The following GRIA2 variants were observed in gnomAD, a reference collection of about 807,000 sequenced individuals.
The protein encoded by GRIA2 is glutamate ionotropic receptor AMPA type subunit 2.
A neutral mutation model predicts 97.3 loss-of-function variants in GRIA2; 14 were observed. The ratio of observed to expected loss-of-function variants is 0.14; its 90% confidence interval spans 0.10 to 0.23. The LOEUF is 0.23. GRIA2 is among the 10% of genes least tolerant of loss of function. The pLI is 1.00. For synonymous variants in GRIA2, 412 were observed against 387.8 expected (o/e 1.06, Z -0.73); for missense variants, 558 against 1,069.8 (o/e 0.52, Z 6.67).
At chr4:157,292,182 G>T (rs1733135668) in intron 2 of GRIA2, among the ~76,000 whole-genome samples, 1 of 151,940 alleles carries the variant, frequency 6.6e-6, no homozygotes, top group Non-Finnish European at 1.5e-5. Context: ...GACACTGACA[G>T]CAATAGTTAT....
intron 2 of GRIA2, among the ~76,000 whole-genome samples, chr4:157,272,976 A>G (rs2126793079): frequency 6.6e-6 from 1 of 152,178 alleles, no homozygotes; most frequent in African/African-American, 2.4e-5. Context: ...TAGTAAACCC[A>G]TCATATCCAA....
chr4:157,332,515 A>C (rs1735097089), intron 6 of GRIA2, among the ~76,000 whole-genome samples: 1 of 134,918 alleles, frequency 7.4e-6, no homozygotes, highest in Admixed American at 8.2e-5. Context: ...GGCTGTAACA[A>C]GAAGCAGGTT....
Position 157,244,059 on chromosome 4 carries a change from A to G in GRIA2, c.229+22252A>G, listed in dbSNP as rs574470212. On this transcript the variant is annotated intron_variant, in intron 2 of 15. Transcript: ENST00000264426. Reference sequence around the variant, plus strand: ...GCTGAGTGAGGAAGGTCTGTTATTTAAGGAGGTAAGACCTGAGCTGAGACC... The same window carrying G: ...GCTGAGTGAGGAAGGTCTGTTATTTGAGGAGGTAAGACCTGAGCTGAGACC... Among the ~76,000 whole-genome samples the G allele has an allele frequency of 2.6e-5, 4 of 152,180 alleles. No individual in the cohort carries two copies. In the South Asian group the frequency reaches 8.3e-4, roughly 32 times the overall value.
chr4:157,310,998 C>CT (rs1243439467), intron 3 of GRIA2, among the ~76,000 whole-genome samples: 1 of 151,962 alleles, frequency 6.6e-6, no homozygotes, highest in Non-Finnish European at 1.5e-5. Context: ...TGTTATCTCT[C>CT]TTTTTGGGTA....
Position 157,320,489 on chromosome 4 carries a change from T to C in GRIA2, c.721-949T>C, listed in dbSNP as rs1734512600. ...CTACGGTAAAACAGAATATATGATT[T>C]TTGTTATATACCTTTTTGCACTATT... On this transcript the variant is annotated intron_variant, in intron 5 of 15. Transcript: ENST00000264426. Among the ~76,000 whole-genome samples the C allele has an allele frequency of 5.9e-5, 9 of 152,218 alleles. No homozygotes were observed. The South Asian group carries it at 1.9e-3, about 32-fold the overall frequency.
intron 2 of GRIA2, among the ~76,000 whole-genome samples, chr4:157,299,209 A>C (rs938466123): frequency 2.6e-5 from 4 of 152,092 alleles, no homozygotes; most frequent in African/African-American, 9.7e-5. Context: ...AGAGATGATT[A>C]TTTTTAGTTA....
intron 6 of GRIA2, 65 bp downstream of exon 6, chr4:157,321,664 A>G (rs1413026411): frequency 8.9e-6 from 10 of 1,119,958 alleles, no homozygotes; most frequent in African/African-American, 1.6e-5. Flanking sequence ...GTCTTGGCAA[A>G]TAAGGAGGAA....
chr4:157,311,958 T>C (rs931791976), intron 3 of GRIA2, among the ~76,000 whole-genome samples: 6 of 152,024 alleles, frequency 3.9e-5, no homozygotes, highest in Admixed American at 1.3e-4. Context: ...TTCCAAGTGA[T>C]ATGATGCTAT....
intron 12 of GRIA2, among the ~76,000 whole-genome samples, chr4:157,359,291 G>A (rs1387136503): frequency 6.6e-6 from 1 of 152,036 alleles, no homozygotes; most frequent in African/African-American, 2.4e-5. Flanking sequence ...GGATTTTGGT[G>A]TTTAAATATT....
Position 157,355,983 on chromosome 4 carries a change from A to ATG in GRIA2, c.2044-3912_2044-3911insGT, listed in dbSNP as rs1257509182. On this transcript the variant is annotated intron_variant, in intron 12 of 15. Transcript: ENST00000264426. ...TTTATGTATATTAATATATATATTT[A>ATG]TATATTTATATATATTTATATATGT... Among the ~76,000 whole-genome samples, 18 of 93,880 alleles carry ATG rather than the reference A, an allele frequency of 1.9e-4. No individual in the cohort carries two copies. The East Asian group carries it at 2.7e-3, about 14-fold the overall frequency. The allele number at this position is 93,880 out of a possible 152,430, so 61.6% of individuals were successfully genotyped here. A position where few individuals can be genotyped will look rare whatever the true frequency, so the allele number is the denominator to read the frequency against.
rs1458588399 is a variant in GRIA2 at position 157,364,440 on chromosome 4, A to C, written c.*1009A>C. ...CAAATGTAATCTTGCCCCCAAAGTA[A>C]TATCTGAATATCTTTTTGACATGTC... On this transcript the variant is annotated 3_prime_UTR_variant, in exon 16 of 16. Coordinates refer to ENST00000264426, the MANE Select transcript of GRIA2 (RefSeq NM_001083619.3). 1 of 151,814 alleles carries C rather than the reference A, an allele frequency of 6.6e-6. No homozygotes were observed. Among genetic ancestry groups the C allele is most frequent in the Non-Finnish European group, 1.5e-5 (1 of 67,876 alleles). The allele number at this position is 151,814 out of a possible 1,614,324, so 9.4% of individuals were successfully genotyped here.
At chr4:157,275,552 G>A (rs977407749) in intron 2 of GRIA2, among the ~76,000 whole-genome samples, 2 of 152,104 alleles carry the variant, frequency 1.3e-5, no homozygotes, top group African/African-American at 4.8e-5. Flanking sequence ...TGTATAAGGT[G>A]TAAGGAAGGG....
intron 2 of GRIA2, among the ~76,000 whole-genome samples, chr4:157,258,197 T>A (rs552335651): frequency 1.3e-5 from 2 of 152,050 alleles, no homozygotes; most frequent in Non-Finnish European, 1.5e-5. Context: ...ACAAGGGAGA[T>A]AACTATTAGG....
chr4:157,311,511 T>A (rs1734078613), intron 3 of GRIA2, among the ~76,000 whole-genome samples: 1 of 152,062 alleles, frequency 6.6e-6, no homozygotes, highest in South Asian at 2.1e-4. Flanking sequence ...TGGTGGTTTT[T>A]CTTTTTTGAA....
intron 2 of GRIA2, among the ~76,000 whole-genome samples, chr4:157,276,152 T>A (rs1281622057): frequency 1.3e-5 from 2 of 152,136 alleles, no homozygotes; most frequent in African/African-American, 2.4e-5. Flanking sequence ...CACTCATGAT[T>A]TGGCTCTCTG....
At chr4:157,342,523 C>T in intron 12 of GRIA2, 2 of 809,892 alleles carry the variant, frequency 2.5e-6, no homozygotes, top group Non-Finnish European at 3.0e-6. Flanking sequence ...GCTTTTTTTA[C>T]TTTAATGCAG....
intron 2 of GRIA2, among the ~76,000 whole-genome samples, chr4:157,258,251 T>A (rs1367848302): frequency 6.6e-6 from 1 of 152,098 alleles, no homozygotes; most frequent in Admixed American, 6.6e-5. Flanking sequence ...ATATTTCTCC[T>A]CTTTCAAAAG....
At chr4:157,241,692 A>T (rs1480654558) in intron 2 of GRIA2, among the ~76,000 whole-genome samples, 1 of 152,062 alleles carries the variant, frequency 6.6e-6, no homozygotes, top group Non-Finnish European at 1.5e-5. Context: ...CACTTCTGAG[A>T]TTGCCTTGAG....
chr4:157,253,376 C>T (rs1349189933), intron 2 of GRIA2, among the ~76,000 whole-genome samples: 3 of 152,050 alleles, frequency 2.0e-5, no homozygotes, highest in East Asian at 1.9e-4. Context: ...CTTGGCCTCC[C>T]GAAGTGCTGG....
Sources: gnomAD v4.1 joint callset for allele counts (sites outside exome capture counted in the v4.1 genomes callset) on GRCh38, gnomAD v4.1.1 for gene constraint, MANE v1.5 for transcripts, NCBI Gene and HGNC (gene_info 2026-07-23, HGNC 2026-07-21) for gene names.